EXOSC4: variants seen among roughly 807,000 people sequenced by gnomAD.
The protein encoded by EXOSC4 is exosome component 4, also known as exosome complex component RRP41.
In EXOSC4, 14 loss-of-function variants were observed where a neutral mutation model predicts 20.0. That is an observed-to-expected ratio of 0.70 (90% CI 0.46 to 1.09). The LOEUF (loss-of-function observed/expected upper bound fraction) is 1.09, where lower values mean the gene tolerates loss of function less well. EXOSC4 is among the 50% of genes least tolerant of loss of function. The probability of loss-of-function intolerance (pLI) is 0.00; values close to 1 mark genes in which losing one functional copy is unlikely to be tolerated. For missense variants in EXOSC4, 337 were observed against 334.0 expected (o/e 1.01, Z -0.07); for synonymous variants, 148 against 146.4 (o/e 1.01, Z -0.08).
chr8:144,075,079 T>C (rs1200245425), upstream of EXOSC4, among the ~76,000 whole-genome samples: 1 of 152,190 alleles, frequency 6.6e-6, no homozygotes, highest in Non-Finnish European at 1.5e-5. Context: ...TTGTTTTTTG[T>C]TTTGACAGGG....
upstream of EXOSC4, among the ~76,000 whole-genome samples, chr8:144,075,286 G>C (rs1329994661): frequency 6.6e-6 from 1 of 151,696 alleles, no homozygotes; most frequent in African/African-American, 2.4e-5. Context: ...GAGTGCAGTG[G>C]TGCGATTTCG....
chr8:144,078,779 G>A lies in EXOSC4; in HGVS notation c.51G>A (p.Arg17=). Residue 17 remains arginine, a synonymous_variant, in exon 1 of 3, where the codon CGG becomes CGA. Coordinates refer to ENST00000316052, the MANE Select transcript of EXOSC4 (RefSeq NM_019037.3). This position sits in a 1 kb window ranked among gnomAD's most constrained non-coding sequence, Gnocchi z 4.7. ...ACCAGGGCTACCGGGTGGACGGGCG[G>A]CGCGCCGGGGAGCTGCGCAAGATCC... ...LSDQGYRVDG[R]RAGELRKIQA... is the part of the protein sequence containing the mutation. 1 of 1,543,314 alleles carries A rather than the reference G, an allele frequency of 6.5e-7. No homozygotes were observed. Among genetic ancestry groups the A allele is most frequent in the South Asian group, 1.2e-5 (1 of 82,584 alleles).
intron 1 of EXOSC4, 82 bp from the exon 2 acceptor site, chr8:144,079,860 TG>T: frequency 7.5e-7 from 1 of 1,339,958 alleles, no homozygotes; most frequent in South Asian, 1.2e-5. Context: ...GCATTGAAAG[TG>T]GAGGGAGAGG....
upstream of EXOSC4, chr8:144,078,383 C>G (rs1411011827): frequency 1.4e-5 from 3 of 207,028 alleles, no homozygotes; most frequent in Non-Finnish European, 2.9e-5. The surrounding 1 kb of genome is among the most constrained non-coding windows in gnomAD (Gnocchi z 4.7). Context: ...CCTCCTGGCA[C>G]CCGTGGCACA....
At position 144,078,682 on chromosome 8, in the gene EXOSC4, C is replaced by T; in HGVS notation, c.-47C>T. ...GAGCCGCCGGGAGCTGTAGTTCTCC[C>T]GCGGCTCAGAGAAGTAGGCAGAGAG... On this transcript the variant is annotated 5_prime_UTR_variant, in exon 1 of 3. Transcript: ENST00000316052. The surrounding 1 kb of genome is among the most constrained non-coding windows in gnomAD (Gnocchi z 4.7). 7.4e-7 allele frequency: 1 copy of T among 1,350,260 alleles called. No individual in the cohort carries two copies. Among genetic ancestry groups the T allele is most frequent in the East Asian group, 3.1e-5 (1 of 32,312 alleles). 83.6% of individuals were successfully genotyped at this position (1,350,260 alleles called of 1,614,324 possible).
the EXOSC4 span, among the ~76,000 whole-genome samples, chr8:144,065,080 C>T: frequency 6.6e-6 from 1 of 152,004 alleles, no homozygotes; most frequent in Non-Finnish European, 1.5e-5. Flanking sequence ...TTCCTGACCT[C>T]GTGATCTGCC....
chr8:144,075,473 G>A (rs1356081542), upstream of EXOSC4, among the ~76,000 whole-genome samples: 3 of 152,086 alleles, frequency 2.0e-5, no homozygotes, highest in Admixed American at 6.5e-5. Context: ...TGATCTGCCC[G>A]CCTCGGCCTC....
upstream of EXOSC4, among the ~76,000 whole-genome samples, chr8:144,075,584 G>A (rs1835829622): frequency 6.6e-6 from 1 of 152,070 alleles, no homozygotes; most frequent in Non-Finnish European, 1.5e-5. Context: ...TGTTGTCCAA[G>A]CTGATCTTGA....
At chr8:144,068,069 C>T in the EXOSC4 span, among the ~76,000 whole-genome samples, 4 of 152,316 alleles carry the variant, frequency 2.6e-5, no homozygotes, top group East Asian at 1.9e-4. Flanking sequence ...CACCATTTGA[C>T]GCTGGAAGCC....
Position 144,080,034 on chromosome 8 carries a change from G to C in EXOSC4, c.263G>C (p.Arg88Pro). The C allele has an allele frequency of 6.2e-7, 1 of 1,614,110 alleles. No homozygotes were observed. The highest frequency in any genetic ancestry group is 8.5e-7 in the Non-Finnish European group (1 of 1,180,030). Residue 88 changes from arginine (R) to proline (P), a missense_variant, in exon 2 of 3, where the codon CGA becomes CCA. Physicochemically the swap from Arg to Pro is moderately radical, Grantham distance 103. Coordinates refer to ENST00000316052, the MANE Select transcript of EXOSC4 (RefSeq NM_019037.3). This position sits in a 1 kb window ranked among gnomAD's most constrained non-coding sequence, Gnocchi z 4.9. The stretch of plus-strand genomic sequence containing the variant: ...ACCTTCAGCACAGGTGAGCGCAAGC[G>C]ACGGCCACATGGGGACCGTAAGTCC... ...SATFSTGERKRRPHGDRKSCE... is the reference protein window; with the variant it reads ...SATFSTGERKPRPHGDRKSCE...
chr8:144,079,048 A>C, intron 1 of EXOSC4, 149 bp downstream of exon 1: 1 of 923,780 alleles, frequency 1.1e-6, no homozygotes, highest in Non-Finnish European at 1.5e-6. Context: ...CTCGGAGTAA[A>C]CGCAAGTCCT....
intron 1 of EXOSC4, 156 bp downstream of exon 1, chr8:144,079,055 T>G (rs782604981): frequency 1.5e-5 from 13 of 856,182 alleles, no homozygotes; most frequent in Non-Finnish European, 1.8e-5. Context: ...TAAACGCAAG[T>G]CCTTAGTGTG....
At chr8:144,065,812 CT>C in the EXOSC4 span, among the ~76,000 whole-genome samples, 10,229 of 140,934 alleles carry the variant, frequency 0.073, 1,154 homozygotes, top group African/African-American at 0.25. Context: ...ATTTTATTTA[CT>C]TTTTTTTTTT....
Position 144,080,591 on chromosome 8 carries a change from T to C in EXOSC4, c.728T>C (p.Leu243Pro). The C allele has an allele frequency of 6.3e-7, 1 of 1,597,336 alleles. No individual in the cohort carries two copies. Among genetic ancestry groups the C allele is most frequent in the Non-Finnish European group, 8.5e-7 (1 of 1,178,862 alleles). The change falls in exon 3 of 3, where the codon CTG becomes CCG. Residue 243 changes from leucine to proline, a missense_variant. Physicochemically the swap from Leu to Pro is moderately conservative, Grantham distance 98 (BLOSUM62 -3). Transcript: ENST00000316052. This position sits in a 1 kb window ranked among gnomAD's most constrained non-coding sequence, Gnocchi z 4.9. ...RQHVREASIL[L>P]GD ...CATGTGCGTGAGGCCTCTATCTTGC[T>C]GGGGGACTGACCACCCAGCCACCCA...
the EXOSC4 span, among the ~76,000 whole-genome samples, chr8:144,072,408 T>C: frequency 6.6e-6 from 1 of 152,190 alleles, no homozygotes; most frequent in Non-Finnish European, 1.5e-5. Context: ...CTTGAATGCC[T>C]GACCTCAAAT....
the EXOSC4 span, among the ~76,000 whole-genome samples, chr8:144,067,912 C>T: frequency 1.7e-4 from 26 of 152,098 alleles, no homozygotes; most frequent in African/African-American, 4.3e-4. Context: ...AGGCTGAGGC[C>T]GGAGAATCGC....
chr8:144,066,863 G>A, the EXOSC4 span, among the ~76,000 whole-genome samples: 1,200 of 152,116 alleles, frequency 7.9e-3, 10 homozygotes, highest in Non-Finnish European at 0.012. Context: ...CGAGGCGGGC[G>A]GATCACCTGA....
chr8:144,078,468 A>G (rs1835858133), upstream of EXOSC4: 2 of 345,604 alleles, frequency 5.8e-6, no homozygotes, highest in Non-Finnish European at 1.0e-5. This position sits in a 1 kb window ranked among gnomAD's most constrained non-coding sequence, Gnocchi z 4.7. Flanking sequence ...ACAGAAGTAG[A>G]GCCGGACCGC....
At chr8:144,077,834 A>G (rs1210468527), upstream of EXOSC4, among the ~76,000 whole-genome samples, 1 of 152,224 alleles carries the variant, frequency 6.6e-6, no homozygotes, top group Admixed American at 6.5e-5. Flanking sequence ...GCTGCCTGAC[A>G]GGCACAGATG....
Sources: gnomAD v4.1 joint callset for allele counts (sites outside exome capture counted in the v4.1 genomes callset) on GRCh38, gnomAD v4.1.1 for gene constraint, Gnocchi (gnomAD v3.1) non-coding constraint, MANE v1.5 for transcripts, NCBI Gene and HGNC (gene_info 2026-07-23, HGNC 2026-07-21) for gene names.